Variants in PPFIA2 observed in about 807,000 individuals in gnomAD.
The protein encoded by PPFIA2 is PPFI scaffold protein A2.
PPFIA2 carries 46 observed loss-of-function variants against 175.5 expected under a neutral mutation model. That is an observed-to-expected ratio of 0.26 (90% CI 0.21 to 0.34). The LOEUF is 0.34. Ranked by LOEUF, PPFIA2 falls within the 10% of genes least tolerant of loss-of-function variation. The probability of loss-of-function intolerance (pLI) is 1.00; values close to 1 mark genes in which losing one functional copy is unlikely to be tolerated. For missense variants in PPFIA2, 1,179 were observed against 1,506.1 expected, an observed-to-expected ratio of 0.78 and a Z score of 3.60; for synonymous variants, 568 against 511.4, an observed-to-expected ratio of 1.11 and a Z score of -1.49.
At chr12:81,344,840 A>G (rs553649647) in intron 18 of PPFIA2, 147 bp from the exon 19 acceptor site, 462 of 593,260 alleles carry the variant, frequency 7.8e-4, no homozygotes, top group Middle Eastern at 1.9e-3. Context: ...TATTTTAATT[A>G]CTATAAAAGC....
At chr12:81,569,648 A>G (rs2072092383) in intron 4 of PPFIA2, among the ~76,000 whole-genome samples, 1 of 152,166 alleles carries the variant, frequency 6.6e-6, no homozygotes, top group South Asian at 2.1e-4. Context: ...AATAAACAAA[A>G]TTAGAATATT....
At chr12:81,318,908 C>T (rs1473577205) in intron 22 of PPFIA2, among the ~76,000 whole-genome samples, 3 of 151,630 alleles carry the variant, frequency 2.0e-5, no homozygotes, top group Admixed American at 2.0e-4. Context: ...TAATTTAAAA[C>T]ATTTCTTGGG....
intron 3 of PPFIA2, among the ~76,000 whole-genome samples, chr12:81,694,956 A>C (rs923350184): frequency 6.6e-6 from 1 of 152,208 alleles, no homozygotes; most frequent in African/African-American, 2.4e-5. Context: ...CTTTGGTTTC[A>C]TAATTGCATG....
chr12:81,591,848 T>C (rs762009570), intron 4 of PPFIA2, among the ~76,000 whole-genome samples: 3 of 152,034 alleles, frequency 2.0e-5, no homozygotes, highest in Non-Finnish European at 4.4e-5. Flanking sequence ...GCTATGGCAG[T>C]GCAGAAAAAA....
intron 4 of PPFIA2, among the ~76,000 whole-genome samples, chr12:81,644,063 G>T (rs1187743262): frequency 6.6e-6 from 1 of 151,962 alleles, no homozygotes; most frequent in Non-Finnish European, 1.5e-5. Context: ...TCCATAAAAT[G>T]TTATGTGCAT....
chr12:81,364,199 G>C (rs2032234915), intron 14 of PPFIA2, among the ~76,000 whole-genome samples: 1 of 151,886 alleles, frequency 6.6e-6, no homozygotes, highest in South Asian at 2.1e-4. Flanking sequence ...ATGGAGTAGA[G>C]GGTAAGGAGT....
At chr12:81,409,040 A>G (rs556070537) in intron 7 of PPFIA2, among the ~76,000 whole-genome samples, 1 of 152,306 alleles carries the variant, frequency 6.6e-6, no homozygotes, top group East Asian at 1.9e-4. Context: ...TTAAAGAGTG[A>G]AGAGGTCACC....
intron 4 of PPFIA2, among the ~76,000 whole-genome samples, chr12:81,662,284 CA>C (rs1181270060): frequency 6.6e-6 from 1 of 152,102 alleles, no homozygotes; most frequent in African/African-American, 2.4e-5. Flanking sequence ...AAGAGATCAA[CA>C]AAGTCGATAG....
intron 3 of PPFIA2, among the ~76,000 whole-genome samples, chr12:81,679,475 CTAAG>C (rs1364591696): frequency 2.6e-5 from 4 of 151,762 alleles, no homozygotes; most frequent in Admixed American, 6.6e-5. Context: ...GATTTCTTAT[CTAAG>C]TAAGTTGTGC....
At chr12:81,549,312 CT>C (rs2067502509) in intron 4 of PPFIA2, among the ~76,000 whole-genome samples, 1 of 151,838 alleles carries the variant, frequency 6.6e-6, no homozygotes. Context: ...GAAATAAAAT[CT>C]TTGAATTGAT....
Position 81,374,646 on chromosome 12 carries a change from T to G in PPFIA2, c.1254A>C (p.Ala418=), listed in dbSNP as rs2035947872. 6.2e-7 allele frequency: 1 copy of G among 1,612,612 alleles called. No individual in the cohort carries two copies. The highest frequency in any genetic ancestry group is 8.5e-7 in the Non-Finnish European group (1 of 1,179,256). Residue 418 remains alanine (A), a synonymous_variant, in exon 11 of 33, where the codon GCA becomes GCC. Coordinates refer to ENST00000549396, the MANE Select transcript of PPFIA2 (RefSeq NM_003625.5). The part of the protein sequence containing the change: ...EVEAELAQRI[A]ALTKAEERHG... ...TCTAGTGCAGTACCTTGGTTAGGGC[T>G]GCAATTCTCTGAGCCAGTTCAGCCT...
chr12:81,293,629 T>G (rs1231830200), intron 24 of PPFIA2, among the ~76,000 whole-genome samples: 4 of 149,916 alleles, frequency 2.7e-5, no homozygotes, highest in Non-Finnish European at 5.9e-5. Context: ...ACTAAAAAGT[T>G]AAGAAAAAAA....
intron 16 of PPFIA2, among the ~76,000 whole-genome samples, chr12:81,355,861 C>T (rs949271040): frequency 2.0e-5 from 3 of 152,172 alleles, no homozygotes; most frequent in African/African-American, 7.2e-5. Context: ...GATTGTTTAT[C>T]ACTAAATGAT....
intron 9 of PPFIA2, among the ~76,000 whole-genome samples, chr12:81,380,962 C>CTGTGTGTGTGTG (rs71098139): frequency 1.5e-5 from 2 of 137,502 alleles, no homozygotes; most frequent in African/African-American, 5.5e-5. Context: ...TTTCACAGTG[C>CTGTGTGTGTGTG]TGTGTGTGTG....
intron 3 of PPFIA2, among the ~76,000 whole-genome samples, chr12:81,739,720 A>T (rs1032642220): frequency 3.2e-4 from 48 of 152,144 alleles, no homozygotes; most frequent in African/African-American, 1.0e-3. Flanking sequence ...TGGACATAAA[A>T]AGAGAAAATC....
intron 4 of PPFIA2, among the ~76,000 whole-genome samples, chr12:81,672,082 A>G (rs1037790613): frequency 2.6e-5 from 4 of 151,980 alleles, no homozygotes; most frequent in Non-Finnish European, 1.5e-5. Flanking sequence ...ATGCTATAGT[A>G]CAGCCTAGCA....
chr12:81,370,256 T>C (rs1238237579), intron 11 of PPFIA2, among the ~76,000 whole-genome samples: 1 of 151,650 alleles, frequency 6.6e-6, no homozygotes, highest in African/African-American at 2.4e-5. Flanking sequence ...TTGTGAGTAG[T>C]CCCCAATTCA....
chr12:81,322,106 G>A (rs910250985), intron 22 of PPFIA2, among the ~76,000 whole-genome samples: 3 of 152,122 alleles, frequency 2.0e-5, no homozygotes, highest in African/African-American at 4.8e-5. Context: ...CCAAGTGCTC[G>A]GATTACAGGC....
chr12:81,331,964 T>C (rs2056219623), intron 21 of PPFIA2, among the ~76,000 whole-genome samples: 1 of 152,188 alleles, frequency 6.6e-6, no homozygotes, highest in South Asian at 2.1e-4. Flanking sequence ...TTGGTGTTTC[T>C]CAGGTGGCAA....
Sources: gnomAD v4.1 joint callset for allele counts (sites outside exome capture counted in the v4.1 genomes callset) on GRCh38, gnomAD v4.1.1 for gene constraint, MANE v1.5 for transcripts, NCBI Gene and HGNC (gene_info 2026-07-23, HGNC 2026-07-21) for gene names.